Variants in KRT31 observed in about 807,000 individuals in gnomAD.
The protein encoded by KRT31 is keratin, type I cuticular Ha1.
Under a neutral mutation model 40.8 loss-of-function variants are expected in KRT31, and 27 were observed. The observed-to-expected ratio is 0.66, with a 90% confidence interval of 0.49 to 0.91. The LOEUF (loss-of-function observed/expected upper bound fraction) is 0.91, where lower values mean the gene tolerates loss of function less well. Ranked by LOEUF, KRT31 falls within the 40% of genes least tolerant of loss-of-function variation. The probability of loss-of-function intolerance (pLI) is 0.00; values close to 1 mark genes in which losing one functional copy is unlikely to be tolerated. For synonymous variants in KRT31, 231 were observed against 231.9 expected, an observed-to-expected ratio of 1.00 and a Z score of 0.03; for missense variants, 510 against 544.1, an observed-to-expected ratio of 0.94 and a Z score of 0.62.
At position 41,394,931 on chromosome 17, in the gene KRT31, C is replaced by G. The variant is rs1188345367; in HGVS notation, c.1014G>C (p.Glu338Asp). The G allele has an allele frequency of 1.2e-6, 2 of 1,614,150 alleles. No individual in the cohort carries two copies. The highest frequency in any genetic ancestry group is 1.7e-5 in the Admixed American group (1 of 60,014). The change falls in exon 6 of 7, where the codon GAG becomes GAC. Residue 338 changes from glutamate to aspartate, a missense_variant. By Grantham distance (45) the Glu-to-Asp change is conservative. Coordinates refer to ENST00000251645, the MANE Select transcript of KRT31 (RefSeq NM_002277.3). Reference sequence around the variant, plus strand: ...CACGCACATCCAGCAGCACCTGGTACTCCTGGTTCTGCCGCTCCAGGTCAC... The same window carrying G: ...CACGCACATCCAGCAGCACCTGGTAGTCCTGGTTCTGCCGCTCCAGGTCAC... Reference protein sequence around the residue: ...IRSDLERQNQEYQVLLDVRAR... With the variant: ...IRSDLERQNQDYQVLLDVRAR...
In KRT31 at chr17:41,397,421, T is replaced by C. The variant is rs778348368; in HGVS notation, c.119A>G (p.Asn40Ser). The change falls in exon 1 of 7, where the codon AAT becomes AGT. Residue 40 changes from asparagine (N) to serine (S), a missense_variant. Asn to Ser is a conservative substitution (Grantham distance 46, BLOSUM62 1). Transcript: ENST00000251645. ...TLPGACNIPANVSNCNWFCEG... is the reference protein window; with the variant it reads ...TLPGACNIPASVSNCNWFCEG... ...GCAGAACCAGTTGCAGTTGCTCACA[T>C]TGGCGGGGATGTTGCAGGCCCCGGG... 3 of 1,612,960 alleles carry C rather than the reference T, an allele frequency of 1.9e-6. No individual in the cohort carries two copies. The highest frequency in any genetic ancestry group is 2.5e-6 in the Non-Finnish European group (3 of 1,180,020).
chr17:41,397,506 A>C lies in KRT31; in HGVS notation c.34T>G (p.Cys12Gly). 6.3e-7 allele frequency: 1 copy of C among 1,576,492 alleles called. No individual in the cohort carries two copies. The highest frequency in any genetic ancestry group is 8.6e-7 in the Non-Finnish European group (1 of 1,156,236). Residue 12 changes from cysteine to glycine, a missense_variant, in exon 1 of 7, where the codon TGC (cysteine) becomes GGC (glycine). By Grantham distance (159) the Cys-to-Gly change is radical. Coordinates refer to ENST00000251645, the MANE Select transcript of KRT31 (RefSeq NM_002277.3). The stretch of plus-strand genomic sequence containing the variant: ...GGCCGGGAGGAGCAGCTGGTGCGGC[A>C]GCTCAGGCTGGGCAGGCAGAAGTTG... ...PYNFCLPSLS[C>G]RTSCSSRPCV... is the part of the protein sequence containing the mutation.
At chr17:41,395,423 G>A in intron 4 of KRT31, 39 bp downstream of exon 4, 2 of 1,613,964 alleles carry the variant, frequency 1.2e-6, no homozygotes, top group East Asian at 2.2e-5. Context: ...GGCCCTGGGG[G>A]GCCTTGGGTC....
Position 41,393,786 on chromosome 17 carries a change from T to G in KRT31, c.*230A>C. On this transcript the variant is annotated 3_prime_UTR_variant, in exon 7 of 7. Transcript: ENST00000251645. The stretch of plus-strand genomic sequence containing the variant: ...GGAGGCCCACTGGCACATCAGAGAG[T>G]TCTCTGGGTGAGCATAGGAAGGAAC... The G allele has an allele frequency of 1.2e-5, 6 of 503,970 alleles. No homozygotes were observed. Among genetic ancestry groups the G allele is most frequent in the South Asian group, 6.7e-5 (2 of 29,828 alleles). The allele number at this position is 503,970 out of a possible 1,614,324, so 31.2% of individuals were successfully genotyped here. A position where few individuals can be genotyped will look rare whatever the true frequency, so the allele number is the denominator to read the frequency against.
At position 41,396,713 on chromosome 17, in the gene KRT31, C is replaced by T. The variant is rs551424513; in HGVS notation, c.432-137G>A. The T allele has an allele frequency of 5.7e-6, 6 of 1,058,918 alleles. No individual in the cohort carries two copies. In the South Asian group the frequency reaches 9.7e-5, roughly 17 times the overall value. 65.6% of individuals were successfully genotyped at this position (1,058,918 alleles called of 1,614,324 possible). A position where few individuals can be genotyped will look rare whatever the true frequency, so the allele number is the denominator to read the frequency against. On this transcript the variant is annotated intron_variant, in intron 2 of 6. Coordinates refer to ENST00000251645, the MANE Select transcript of KRT31 (RefSeq NM_002277.3). ...AGGAGACAGAGGTTTCTGGAGGCTC[C>T]ATCAATACCCAATATTCATCCCAAA...
At position 41,394,004 on chromosome 17, in the gene KRT31, A is replaced by G. The variant is rs750058417; in HGVS notation, c.*12T>C. The G allele has an allele frequency of 6.2e-7, 1 of 1,611,944 alleles. No individual in the cohort carries two copies. The highest frequency in any genetic ancestry group is 8.5e-7 in the Non-Finnish European group (1 of 1,179,428). On this transcript the variant is annotated 3_prime_UTR_variant, in exon 7 of 7. Transcript: ENST00000251645. ...GGCCCTGCATCCTTGCTCCTCTGGC[A>G]TTCCCTAGGTTCTAGCGCACGAAGG... is the stretch of plus-strand genomic sequence containing the variant.
At position 41,394,984 on chromosome 17, in the gene KRT31, C is replaced by T. The variant is rs139368068; in HGVS notation, c.961G>A (p.Val321Met). The change falls in exon 6 of 7, where the codon GTG becomes ATG. Residue 321 changes from valine to methionine, a missense_variant. By Grantham distance (21) the Val-to-Met change is conservative. Coordinates refer to ENST00000251645, the MANE Select transcript of KRT31 (RefSeq NM_002277.3). ...CGGATCTCCGCCAGCTGGGACTCCA[C>T]GTTGGTGATCAGGCTCTGCACCTGG... ...LSQVQSLITN[V>M]ESQLAEIRSD... The T allele has an allele frequency of 4.3e-6, 7 of 1,614,130 alleles. No individual in the cohort carries two copies. The highest frequency in any genetic ancestry group is 3.3e-5 in the South Asian group (3 of 91,084).
Position 41,397,287 on chromosome 17 carries a change from C to T in KRT31, c.253G>A (p.Glu85Lys), listed in dbSNP as rs771882492. The change falls in exon 1 of 7, where the codon GAG becomes AAG. Residue 85 changes from glutamate (E) to lysine (K), a missense_variant. Physicochemically the swap from Glu to Lys is moderately conservative, Grantham distance 56. Coordinates refer to ENST00000251645, the MANE Select transcript of KRT31 (RefSeq NM_002277.3). ...TGAGACCGCTCCCGGATGAGGTTCT[C>T]CAGCTCCGCGTTGTCCCGCTCCAGC... Reference protein sequence around the residue: ...RQLERDNAELENLIRERSQQQ... With the variant: ...RQLERDNAELKNLIRERSQQQ... 3.2e-5 allele frequency: 52 copies of T among 1,614,102 alleles called. No individual in the cohort carries two copies. The South Asian group carries it at 5.6e-4, about 17-fold the overall frequency.
At chr17:41,394,684 T>A (rs2018187076) in intron 6 of KRT31, 164 bp downstream of exon 6, 1 of 848,946 alleles carries the variant, frequency 1.2e-6, no homozygotes. Flanking sequence ...TACCAAACCA[T>A]TTATGTTTTA....
Position 41,394,075 on chromosome 17 carries a change from G to A in KRT31, c.1192C>T (p.Pro398Ser), listed in dbSNP as rs1043116271. ...GGGCGTGGGGCACAGGGTGTGCAGG[G>A]GGCAGGAGGGACACAAGAGGTACAG... ...NPCTSCVPPA[P>S]CTPCAPRPRC... Residue 398 changes from proline (P) to serine (S), a missense_variant, in exon 7 of 7, where the codon CCC becomes TCC. Physicochemically the swap from Pro to Ser is moderately conservative, Grantham distance 74. Coordinates refer to ENST00000251645, the MANE Select transcript of KRT31 (RefSeq NM_002277.3). 1.2e-6 allele frequency: 2 copies of A among 1,613,544 alleles called. No homozygotes were observed. The highest frequency in any genetic ancestry group is 2.7e-5 in the African/African-American group (2 of 75,014).
Position 41,396,955 on chromosome 17 carries a change from T to G in KRT31, c.389A>C (p.Gln130Pro). The G allele has an allele frequency of 6.2e-7, 1 of 1,614,194 alleles. No homozygotes were observed. The highest frequency in any genetic ancestry group is 1.1e-5 in the South Asian group (1 of 91,082). ...CGCAGCCAGCTTGGCGTTGTCGATC[T>G]GCACCACAAGCCTGGCATTCTCAGA... ...TKSENARLVVQIDNAKLAADD... is the reference protein window; with the variant it reads ...TKSENARLVVPIDNAKLAADD... The change falls in exon 2 of 7, where the codon CAG becomes CCG. Residue 130 changes from glutamine (Q) to proline (P), a missense_variant. Gln to Pro is a moderately conservative substitution (Grantham distance 76, BLOSUM62 -1). Coordinates refer to ENST00000251645, the MANE Select transcript of KRT31 (RefSeq NM_002277.3).
intron 3 of KRT31, among the ~76,000 whole-genome samples, chr17:41,395,827 A>C (rs1008178570): frequency 1.3e-5 from 2 of 152,198 alleles, no homozygotes; most frequent in African/African-American, 2.4e-5. Context: ...TCAGAAAAAA[A>C]TCCCAAAAGT....
chr17:41,395,745 T>A, intron 3 of KRT31, 122 bp from the exon 4 acceptor site: 1 of 1,187,062 alleles, frequency 8.4e-7, no homozygotes. Context: ...AGTGGAGCAG[T>A]TTGTGACAGC....
chr17:41,394,308 C>T (rs755329247), intron 6 of KRT31, 139 bp from the exon 7 acceptor site: 4 of 818,548 alleles, frequency 4.9e-6, no homozygotes, highest in Non-Finnish European at 7.7e-6. Flanking sequence ...GACTCCCCTG[C>T]TACAAAGATA....
intron 1 of KRT31, 74 bp from the exon 2 acceptor site, chr17:41,397,069 G>A (rs573796512): frequency 6.3e-7 from 1 of 1,580,414 alleles, no homozygotes; most frequent in Admixed American, 1.7e-5. Context: ...AATGACTTAA[G>A]CCATTTTGAA....
In KRT31 at chr17:41,396,567, G is replaced by C. The variant is rs367792196; in HGVS notation, c.441C>G (p.Thr147=). 2.5e-6 allele frequency: 4 copies of C among 1,613,744 alleles called. No individual in the cohort carries two copies. The South Asian group carries it at 3.3e-5, about 13-fold the overall frequency. ...AADDFRTKYQ[T]ELSLRQLVES... is the part of the protein sequence containing the mutation. ...CCACCAGCTGCCGCAGGGACAGCTC[G>C]GTCTGGTACCTGCGCAAGGACAGGG... Residue 147 remains threonine, a synonymous_variant, in exon 3 of 7, where the codon ACC becomes ACG. Coordinates refer to ENST00000251645, the MANE Select transcript of KRT31 (RefSeq NM_002277.3).
chr17:41,395,306 A>T lies in KRT31; in HGVS notation c.815T>A (p.Ile272Asn). The change falls in exon 5 of 7, where the codon ATC becomes AAC. Residue 272 changes from isoleucine (I) to asparagine (N), a missense_variant. Coordinates refer to ENST00000251645, the MANE Select transcript of KRT31 (RefSeq NM_002277.3). ...SEQLQSYQAE[I>N]IELRRTVNAL... ...GTTGACTGTGCGTCTCAGCTCGATG[A>T]TCTCCGCCTGGTAGGACTGCAGCTG... 1 of 1,613,412 alleles carries T rather than the reference A, an allele frequency of 6.2e-7. No individual in the cohort carries two copies. Among genetic ancestry groups the T allele is most frequent in the Non-Finnish European group, 8.5e-7 (1 of 1,180,012 alleles).
chr17:41,396,472 T>C lies in KRT31; in HGVS notation c.536A>G (p.Gln179Arg), dbSNP rs1050648176. 15 of 1,614,080 alleles carry C rather than the reference T, an allele frequency of 9.3e-6. No homozygotes were observed. Among genetic ancestry groups the C allele is most frequent in the African/African-American group, 1.3e-5 (1 of 74,938 alleles). The change falls in exon 3 of 7, where the codon CAG (glutamine) becomes CGG (arginine). Residue 179 changes from glutamine (Q) to arginine (R), a missense_variant. Transcript: ENST00000251645. ...LTLCKSDLEA[Q>R]VESLKEELLC... ...CAGCTCCTCCTTCAGGGACTCCACC[T>C]GGGCCTCCAGGTCGGACTTGCACAG...
chr17:41,396,877 A>C lies in KRT31; in HGVS notation c.431+36T>G, dbSNP rs58568023. On this transcript the variant is annotated intron_variant, in intron 2 of 6. Transcript: ENST00000251645. ...CCCTTTTCTTTAAAGATTAAACAGA[A>C]GCAATTGACACTAGTGCAAATTCCG... 86 of 1,490,084 alleles carry C rather than the reference A, an allele frequency of 5.8e-5. No homozygotes were observed. In the African/African-American group the frequency reaches 9.9e-4, roughly 17 times the overall value. The allele number at this position is 1,490,084 out of a possible 1,614,324, so 92.3% of individuals were successfully genotyped here.
Sources: allele counts gnomAD v4.1 joint callset (sites outside exome capture counted in the v4.1 genomes callset), GRCh38; gene constraint gnomAD v4.1.1; transcripts MANE v1.5; gene names NCBI Gene and HGNC (gene_info 2026-07-23, HGNC 2026-07-21).